The following CCDC158 variants were observed in gnomAD, a reference collection of about 807,000 sequenced individuals.
CCDC158 encodes coiled-coil domain-containing protein 158.
In CCDC158, 116 loss-of-function variants were observed where a neutral mutation model predicts 138.6. The observed-to-expected ratio is 0.84, with a 90% CI of 0.72 to 0.98. The LOEUF is 0.98. Among genes scored for constraint, CCDC158 ranks in the 50% least tolerant of loss-of-function variants. The pLI, the probability that CCDC158 is intolerant of heterozygous loss-of-function variation, is 0.00. For synonymous variants in CCDC158, 436 were observed against 442.4 expected (o/e 0.99, Z 0.18); for missense variants, 1,265 against 1,306.1 (o/e 0.97, Z 0.48).
intron 24 of CCDC158, among the ~76,000 whole-genome samples, chr4:76,316,887 A>G (rs995681166): frequency 7.5e-5 from 9 of 119,660 alleles, no homozygotes; most frequent in Admixed American, 3.2e-4. Flanking sequence ...GGACAGATAA[A>G]GTCTTTTGCA....
Position 76,371,547 on chromosome 4 carries a change from A to G in CCDC158, c.1030-11T>C, listed in dbSNP as rs756232822. 11 of 1,613,940 alleles carry G rather than the reference A, an allele frequency of 6.8e-6. No individual in the cohort carries two copies. Among genetic ancestry groups the G allele is most frequent in the Non-Finnish European group, 7.6e-6 (9 of 1,179,954 alleles). On this transcript the variant is annotated splice_polypyrimidine_tract_variant and intron_variant, in intron 9 of 24. Transcript: ENST00000682701. ...TTCCAGCTCTTCTGTCTGAAAGGAA[A>G]GTACAAATTGAACAGTGTCTGATTA...
At chr4:76,415,605 T>C (rs1690295006) in intron 1 of CCDC158, among the ~76,000 whole-genome samples, 1 of 152,172 alleles carries the variant, frequency 6.6e-6, no homozygotes, top group Admixed American at 6.5e-5. Context: ...CATTAGCTTG[T>C]AGCAATTATT....
intron 13 of CCDC158, among the ~76,000 whole-genome samples, chr4:76,359,924 G>A (rs2870229): frequency 0.31 from 46,909 of 152,218 alleles, 9,240 homozygotes; most frequent in Non-Finnish European, 0.44. Flanking sequence ...TGGGGAAAAT[G>A]TCTCCAGGTC....
At chr4:76,409,344 T>TA (rs35334265) in intron 2 of CCDC158, among the ~76,000 whole-genome samples, 49,601 of 149,992 alleles carry the variant, frequency 0.33, 9,441 homozygotes, top group Non-Finnish European at 0.44. Flanking sequence ...ATAAAATTGT[T>TA]AAAAAAAAAA....
chr4:76,343,656 C>A (rs1722267751), intron 18 of CCDC158, among the ~76,000 whole-genome samples: 1 of 151,976 alleles, frequency 6.6e-6, no homozygotes, highest in Non-Finnish European at 1.5e-5. Flanking sequence ...CAAAAATTAG[C>A]CAGGTGTGGT....
At chr4:76,351,559 G>A (rs1436814424) in intron 17 of CCDC158, among the ~76,000 whole-genome samples, 161 bp downstream of exon 17, 3 of 152,046 alleles carry the variant, frequency 2.0e-5, no homozygotes, top group South Asian at 2.1e-4. Flanking sequence ...GAAAAGGATA[G>A]GTATAGTATA....
At chr4:76,405,216 C>T (rs1434449275) in intron 2 of CCDC158, among the ~76,000 whole-genome samples, 1 of 152,120 alleles carries the variant, frequency 6.6e-6, no homozygotes, top group African/African-American at 2.4e-5. Context: ...AAACAATACA[C>T]ACAGTAAGGC....
intron 14 of CCDC158, among the ~76,000 whole-genome samples, 170 bp from the exon 15 acceptor site, chr4:76,355,606 A>C (rs1723472857): frequency 6.6e-6 from 1 of 152,176 alleles, no homozygotes; most frequent in African/African-American, 2.4e-5. Flanking sequence ...TAATGTTGGA[A>C]TATAATAACT....
chr4:76,420,273 C>T (rs1366790449), intron 1 of CCDC158, among the ~76,000 whole-genome samples: 1 of 152,208 alleles, frequency 6.6e-6, no homozygotes, highest in Admixed American at 6.5e-5. Flanking sequence ...CATACCCGGC[C>T]ACAACGCCTT....
chr4:76,380,764 T>C (rs1307322178), intron 8 of CCDC158, among the ~76,000 whole-genome samples: 1 of 152,190 alleles, frequency 6.6e-6, no homozygotes, highest in Non-Finnish European at 1.5e-5. Flanking sequence ...CAGAGATCTT[T>C]AGGCAGCCCC....
At chr4:76,387,885 T>G (rs1348232828) in intron 4 of CCDC158, among the ~76,000 whole-genome samples, 1 of 142,266 alleles carries the variant, frequency 7.0e-6, no homozygotes. Context: ...TGGTGGCACA[T>G]GCCTGTAGTC....
chr4:76,368,230 C>T (rs1265665080), intron 11 of CCDC158, among the ~76,000 whole-genome samples: 1 of 151,990 alleles, frequency 6.6e-6, no homozygotes, highest in African/African-American at 2.4e-5. Context: ...ATTAAGATAA[C>T]CCTGGCAATG....
intron 7 of CCDC158, 106 bp from the exon 8 acceptor site, chr4:76,382,826 T>C (rs1179247570): frequency 6.8e-6 from 5 of 738,876 alleles, no homozygotes; most frequent in Non-Finnish European, 1.1e-5. Context: ...AGTATTTTGC[T>C]TTGCTTTTGT....
chr4:76,354,049 A>G (rs778106777), intron 15 of CCDC158, among the ~76,000 whole-genome samples: 1 of 152,134 alleles, frequency 6.6e-6, no homozygotes, highest in African/African-American at 2.4e-5. Flanking sequence ...GGCAGAAAAG[A>G]CTTCAGAAGG....
In CCDC158 at chr4:76,313,114, G is replaced by T; in HGVS notation, c.*56C>A. The T allele has an allele frequency of 8.8e-7, 1 of 1,140,152 alleles. No homozygotes were observed. The highest frequency in any genetic ancestry group is 1.3e-6 in the Non-Finnish European group (1 of 785,934). 70.6% of individuals were successfully genotyped at this position (1,140,152 alleles called of 1,614,324 possible). ...AAAGTACACAGGGCACTAATTACGAGTAACACCACAATTAATTGGGCCTCA... is the reference window on the plus strand; with the variant it reads ...AAAGTACACAGGGCACTAATTACGATTAACACCACAATTAATTGGGCCTCA... On this transcript the variant is annotated 3_prime_UTR_variant, in exon 25 of 25. Transcript: ENST00000682701.
chr4:76,420,830 T>C (rs1730060996), intron 1 of CCDC158, among the ~76,000 whole-genome samples, 135 bp downstream of exon 1: 1 of 152,176 alleles, frequency 6.6e-6, no homozygotes, highest in South Asian at 2.1e-4. Flanking sequence ...AACAATTTAT[T>C]GGGCATCTTC....
intron 13 of CCDC158, among the ~76,000 whole-genome samples, chr4:76,361,656 T>A (rs2110212790): frequency 6.6e-6 from 1 of 152,240 alleles, no homozygotes; most frequent in African/African-American, 2.4e-5. Flanking sequence ...TAAACTGGAG[T>A]GTTTCACTGT....
rs756388872 is a variant in CCDC158 at position 76,351,107 on chromosome 4, A to G, written c.2553T>C (p.Pro851=). Residue 851 remains proline (P), a synonymous_variant, in exon 18 of 25, where the codon CCT becomes CCC. Coordinates refer to ENST00000682701, the MANE Select transcript of CCDC158 (RefSeq NM_001394954.1). ...HTLDIKELQG[P]GYTSNSSLKP... ...TCAATGAAGAATTTGAGGTGTATCCAGGGCCCTGAAGTTCCTGGAAAACAA... is the reference window on the plus strand; with the variant it reads ...TCAATGAAGAATTTGAGGTGTATCCGGGGCCCTGAAGTTCCTGGAAAACAA... 9.9e-6 allele frequency: 16 copies of G among 1,612,970 alleles called. No individual in the cohort carries two copies. Among genetic ancestry groups the G allele is most frequent in the South Asian group, 7.7e-5 (7 of 90,928 alleles).
chr4:76,369,612 G>A lies in CCDC158; in HGVS notation c.1161C>T (p.His387=), dbSNP rs1375307355. Reference sequence around the variant, plus strand: ...CCAGACTCAGCTCCTTCTCCCTTTTGTGTAGATCAGCCTAAAAAAAGAGAG... The same window carrying A: ...CCAGACTCAGCTCCTTCTCCCTTTTATGTAGATCAGCCTAAAAAAAGAGAG... ...DQLQKLLADL[H]KREKELSLEK... The change falls in exon 11 of 25, where the codon CAC becomes CAT. Residue 387 remains histidine, a synonymous_variant. Coordinates refer to ENST00000682701, the MANE Select transcript of CCDC158 (RefSeq NM_001394954.1). 1 of 1,613,766 alleles carries A rather than the reference G, an allele frequency of 6.2e-7. No individual in the cohort carries two copies. Among genetic ancestry groups the A allele is most frequent in the Non-Finnish European group, 8.5e-7 (1 of 1,179,912 alleles).
Sources: gnomAD v4.1 joint callset for allele counts (sites outside exome capture counted in the v4.1 genomes callset) on GRCh38, gnomAD v4.1.1 for gene constraint, MANE v1.5 for transcripts, NCBI Gene and HGNC (gene_info 2026-07-23, HGNC 2026-07-21) for gene names.